Variants in PTPN6 observed in about 807,000 individuals in gnomAD.
The protein encoded by PTPN6 is protein tyrosine phosphatase non-receptor type 6.
In PTPN6, 18 loss-of-function variants were observed where a neutral mutation model predicts 81.5. The ratio of observed to expected loss-of-function variants is 0.22; its 90% CI spans 0.15 to 0.33. The LOEUF is 0.33. Among genes scored for constraint, PTPN6 ranks in the 10% least tolerant of loss-of-function variants. PTPN6 has a pLI of 1.00. For synonymous variants in PTPN6, 301 were observed against 310.9 expected (o/e 0.97, Z 0.33); for missense variants, 500 against 794.2 (o/e 0.63, Z 4.45).
chr12:6,954,918 T>C lies in PTPN6; in HGVS notation c.440T>C (p.Leu147Pro). 6.2e-7 allele frequency: 1 copy of C among 1,614,216 alleles called. No individual in the cohort carries two copies. Among genetic ancestry groups the C allele is most frequent in the Non-Finnish European group, 8.5e-7 (1 of 1,180,040 alleles). The change falls in exon 4 of 16, where the codon CTT (leucine) becomes CCT (proline). Residue 147 changes from leucine (L) to proline (P), a missense_variant. By Grantham distance (98) the Leu-to-Pro change is moderately conservative. Around this residue, in one of 6 missense-constraint regions of PTPN6, gnomAD observed 98 missense variants for 199.2 expected, o/e 0.49. Coordinates refer to ENST00000318974, the MANE Select transcript of PTPN6 (RefSeq NM_002831.6). This position sits in a 1 kb window ranked among gnomAD's most constrained non-coding sequence, Gnocchi z 5.4. Reference protein sequence around the residue: ...ESLSQPGDFVLSVLSDQPKAG... With the variant: ...ESLSQPGDFVPSVLSDQPKAG... ...CTCAGCCAGCCTGGAGACTTCGTGC[T>C]TTCTGTGCTCAGTGACCAGCCCAAG...
intron 11 of PTPN6, among the ~76,000 whole-genome samples, chr12:6,958,316 G>T (rs1245623630): frequency 6.6e-6 from 1 of 152,078 alleles, no homozygotes; most frequent in Non-Finnish European, 1.5e-5. Flanking sequence ...GTACCATCTC[G>T]CCCAACCCTG....
chr12:6,948,553 GAAAA>G (rs1275038028), upstream of PTPN6, among the ~76,000 whole-genome samples: 3 of 141,646 alleles, frequency 2.1e-5, no homozygotes, highest in African/African-American at 7.9e-5. Flanking sequence ...AGGAAAGAAA[GAAAA>G]GAAAGGAAAG....
At position 6,951,395 on chromosome 12, in the gene PTPN6, G is replaced by T; in HGVS notation, c.-118G>T. ...CCCAGAACTGGGACCACCGGGGGTGGTGAGGCGGCCCGGCACTGGGAGCTG... is the reference window on the plus strand; with the variant it reads ...CCCAGAACTGGGACCACCGGGGGTGTTGAGGCGGCCCGGCACTGGGAGCTG... On this transcript the variant is annotated 5_prime_UTR_variant, in exon 1 of 16. Transcript: ENST00000318974. The surrounding 1 kb of genome is among the most constrained non-coding windows in gnomAD (Gnocchi z 7.2). 1 of 1,548,340 alleles carries T rather than the reference G, an allele frequency of 6.5e-7. No homozygotes were observed.
In PTPN6 at chr12:6,960,429, C is replaced by T. The variant is rs782366247; in HGVS notation, c.1667C>T (p.Ser556Leu). 64 of 1,613,540 alleles carry T rather than the reference C, an allele frequency of 4.0e-5. No individual in the cohort carries two copies. The highest frequency in any genetic ancestry group is 1.1e-4 in the East Asian group (5 of 44,884). Residue 556 changes from serine to leucine, a missense_variant, in exon 14 of 16, where the codon TCG becomes TTG. Transcript: ENST00000318974. The surrounding 1 kb of genome is among the most constrained non-coding windows in gnomAD (Gnocchi z 6.1). ...KNAHAKASRTSSKHKEDVYEN... is the reference protein window; with the variant it reads ...KNAHAKASRTLSKHKEDVYEN... ...GCCCATGCCAAGGCCTCCCGCACCT[C>T]GTCCAAGTGAGTGGCCCTGACTGCC...
In PTPN6 at chr12:6,952,417, T is replaced by G; in HGVS notation, c.326+240T>G. On this transcript the variant is annotated intron_variant, in intron 3 of 15. Coordinates refer to ENST00000318974, the MANE Select transcript of PTPN6 (RefSeq NM_002831.6). The surrounding 1 kb of genome is among the most constrained non-coding windows in gnomAD (Gnocchi z 8.1). ...GAAGCCACAGAAAGCTGCCTCGCCC[T>G]ACTCCGGGAGCCCTGGCCGCTGCAA... is the stretch of plus-strand genomic sequence containing the variant. 1 of 579,142 alleles carries G rather than the reference T, an allele frequency of 1.7e-6. No individual in the cohort carries two copies. Among genetic ancestry groups the G allele is most frequent in the Non-Finnish European group, 3.1e-6 (1 of 326,314 alleles). The allele number at this position is 579,142 out of a possible 1,614,324, so 35.9% of individuals were successfully genotyped here.
chr12:6,948,999 C>T (rs965344391), upstream of PTPN6, among the ~76,000 whole-genome samples: 3 of 151,656 alleles, frequency 2.0e-5, no homozygotes, highest in Non-Finnish European at 2.9e-5. Context: ...AGAGTACTGG[C>T]GAGTTTGTGG....
At chr12:6,961,053 C>A in intron 15 of PTPN6, 73 bp from the exon 16 acceptor site, 1 of 1,495,544 alleles carries the variant, frequency 6.7e-7, no homozygotes. Context: ...TGCTTCCCAG[C>A]TGCCCCAGAC....
chr12:6,947,687 A>AT (rs1945852113), upstream of PTPN6, among the ~76,000 whole-genome samples: 2 of 150,412 alleles, frequency 1.3e-5, no homozygotes, highest in African/African-American at 4.9e-5. Context: ...AAAAAAAAAA[A>AT]GAAAATGAAC....
At position 6,955,468 on chromosome 12, in the gene PTPN6, T is replaced by A. The variant is rs1555148488; in HGVS notation, c.730T>A (p.Phe244Ile). ...QESEDTAKAG[F>I]WEEFESLQKQ... The stretch of plus-strand genomic sequence containing the variant: ...GTCCGAGGATACAGCCAAGGCTGGC[T>A]TCTGGGAGGAGTTTGAGGTGCATGG... The change falls in exon 6 of 16, where the codon TTC (phenylalanine) becomes ATC (isoleucine). Residue 244 changes from phenylalanine (F) to isoleucine (I), a missense_variant. Phe to Ile is a conservative substitution (Grantham distance 21). This residue lies in a region of PTPN6 where 96 missense variants were observed against 137.3 expected (regional missense o/e 0.70). Transcript: ENST00000318974. The surrounding 1 kb of genome is among the most constrained non-coding windows in gnomAD (Gnocchi z 7.2). 1 of 1,614,072 alleles carries A rather than the reference T, an allele frequency of 6.2e-7. No individual in the cohort carries two copies. The highest frequency in any genetic ancestry group is 8.5e-7 in the Non-Finnish European group (1 of 1,179,994).
At chr12:6,950,975 C>T (rs1467841819), upstream of PTPN6, among the ~76,000 whole-genome samples, 1 of 152,202 alleles carries the variant, frequency 6.6e-6, no homozygotes, top group African/African-American at 2.4e-5. Flanking sequence ...CGCCCGGCAT[C>T]CAGCAGGACT....
chr12:6,960,721 A>G lies in PTPN6; in HGVS notation c.1674-85A>G, dbSNP rs1565585770. 6.4e-7 allele frequency: 1 copy of G among 1,551,586 alleles called. No homozygotes were observed. ...GTCACCTGTGAGACGGGGTGGCCAG[A>G]GGGGACTGCCAGTGCCGGGTCCCCC... On this transcript the variant is annotated intron_variant, in intron 14 of 15. Transcript: ENST00000318974. This position sits in a 1 kb window ranked among gnomAD's most constrained non-coding sequence, Gnocchi z 6.1.
chr12:6,956,425 C>A lies in PTPN6; in HGVS notation c.931C>A (p.Leu311Met). 6.2e-7 allele frequency: 1 copy of A among 1,614,168 alleles called. No homozygotes were observed. Among genetic ancestry groups the A allele is most frequent in the Non-Finnish European group, 8.5e-7 (1 of 1,180,038 alleles). ...TCTCCACGCTTGCGTCCAGAACCAGCTGCTAGGCCCTGATGAGAACGCTAA... is the reference window on the plus strand; with the variant it reads ...TCTCCACGCTTGCGTCCAGAACCAGATGCTAGGCCCTGATGAGAACGCTAA... ...YINANYIKNQ[L>M]LGPDENAKTY... The change falls in exon 9 of 16, where the codon CTG (leucine) becomes ATG (methionine). Residue 311 changes from leucine to methionine, a missense_variant. Leu to Met is a conservative substitution (Grantham distance 15). This residue lies in a region of PTPN6 where 226 missense variants were observed against 364.4 expected (regional missense o/e 0.62). Transcript: ENST00000318974. The surrounding 1 kb of genome is among the most constrained non-coding windows in gnomAD (Gnocchi z 4.1).
At chr12:6,947,334 T>G (rs896915756), upstream of PTPN6, among the ~76,000 whole-genome samples, 3 of 152,146 alleles carry the variant, frequency 2.0e-5, no homozygotes, top group African/African-American at 7.2e-5. Flanking sequence ...AATAACCCAA[T>G]AAATTGGATC....
Position 6,957,231 on chromosome 12 carries a change from A to C in PTPN6, c.1075-423A>C, listed in dbSNP as rs1946047761. The stretch of plus-strand genomic sequence containing the variant: ...CAGCCGGAGCGCTGCCTCCTCTGTG[A>C]ATCCAGGTCTTGTTTCCTCCAGGAC... On this transcript the variant is annotated intron_variant, in intron 9 of 15. Coordinates refer to ENST00000318974, the MANE Select transcript of PTPN6 (RefSeq NM_002831.6). This position sits in a 1 kb window ranked among gnomAD's most constrained non-coding sequence, Gnocchi z 6.5. 6.6e-6 allele frequency among the ~76,000 whole-genome samples: 1 copy of C among 152,184 alleles called. No homozygotes were observed. Among genetic ancestry groups the C allele is most frequent in the Non-Finnish European group, 1.5e-5 (1 of 68,028 alleles).
Position 6,951,849 on chromosome 12 carries a change from C to T in PTPN6, c.131+118C>T, listed in dbSNP as rs1021385055. 5 of 1,576,110 alleles carry T rather than the reference C, an allele frequency of 3.2e-6. No individual in the cohort carries two copies. The Admixed American group carries it at 8.4e-5, about 26-fold the overall frequency. On this transcript the variant is annotated intron_variant, in intron 2 of 15. Transcript: ENST00000318974. This position sits in a 1 kb window ranked among gnomAD's most constrained non-coding sequence, Gnocchi z 7.2. Reference sequence around the variant, plus strand: ...CTGACTCCCCGTCTGTTCCCTTGCCCCCAACCCCCACACTCCCCATCCCTG... The same window carrying T: ...CTGACTCCCCGTCTGTTCCCTTGCCTCCAACCCCCACACTCCCCATCCCTG...
rs1185662629 is a variant in PTPN6, at chr12:6,961,221, C to T, written c.*121C>T. 10 of 438,622 alleles carry T rather than the reference C, an allele frequency of 2.3e-5. No homozygotes were observed. Among genetic ancestry groups the T allele is most frequent in the African/African-American group, 4.0e-5 (2 of 49,824 alleles). The allele number at this position is 438,622 out of a possible 1,614,324, so 27.2% of individuals were successfully genotyped here. A position where few individuals can be genotyped will look rare whatever the true frequency, so the allele number is the denominator to read the frequency against. The stretch of plus-strand genomic sequence containing the variant: ...TCTTTTGTAATTTAAATGGCTGCAT[C>T]CCCCCCACCTCTCCCTGACCCTGTA... On this transcript the variant is annotated 3_prime_UTR_variant, in exon 16 of 16. Transcript: ENST00000318974.
upstream of PTPN6, among the ~76,000 whole-genome samples, chr12:6,946,948 C>A (rs149288220): frequency 6.6e-6 from 1 of 152,220 alleles, no homozygotes; most frequent in Non-Finnish European, 1.5e-5. Context: ...TAACATTTTC[C>A]CCTGGACAAG....
At chr12:6,948,610 AAAAG>A (rs1442112016), upstream of PTPN6, among the ~76,000 whole-genome samples, 1 of 151,870 alleles carries the variant, frequency 6.6e-6, no homozygotes. Context: ...AAAGGAAAGA[AAAAG>A]AAAAAGTGAC....
intron 11 of PTPN6, among the ~76,000 whole-genome samples, chr12:6,958,890 C>T (rs1946079111): frequency 6.6e-6 from 1 of 152,228 alleles, no homozygotes; most frequent in African/African-American, 2.4e-5. Flanking sequence ...GTCGTGAGAA[C>T]TCAATGAGAC....
Sources: allele counts gnomAD v4.1 joint callset (sites outside exome capture counted in the v4.1 genomes callset), GRCh38; gene constraint gnomAD v4.1.1; regional missense constraint gnomAD v4.1.1; non-coding constraint Gnocchi (gnomAD v3.1); transcripts MANE v1.5; gene names NCBI Gene and HGNC (gene_info 2026-07-23, HGNC 2026-07-21).